NEURL1B: variants seen among roughly 807,000 people sequenced by gnomAD.
NEURL1B encodes E3 ubiquitin-protein ligase NEURL1B.
In NEURL1B, 13 loss-of-function variants were observed where a neutral mutation model predicts 37.4. That is an observed-to-expected ratio of 0.35 (90% confidence interval 0.23 to 0.55). The LOEUF (loss-of-function observed/expected upper bound fraction) is 0.55. Ranked by LOEUF, NEURL1B falls within the 20% of genes least tolerant of loss-of-function variation. NEURL1B has a pLI of 0.89. For missense variants in NEURL1B, 790 were observed against 879.2 expected (o/e 0.90, Z 1.28); for synonymous variants, 432 against 426.6 (o/e 1.01, Z -0.16).
intron 2 of NEURL1B, among the ~76,000 whole-genome samples, chr5:172,678,844 C>T (rs143479898): frequency 1.8e-3 from 272 of 152,264 alleles, no homozygotes; most frequent in Non-Finnish European, 3.1e-3. Flanking sequence ...CCTTCATTTT[C>T]GTGTCTACAC....
chr5:172,664,930 A>G (rs999429193), intron 1 of NEURL1B, among the ~76,000 whole-genome samples: 19 of 152,178 alleles, frequency 1.2e-4, no homozygotes, highest in African/African-American at 4.6e-4. Flanking sequence ...ACTTGGCCGC[A>G]TTTTATCCTA....
chr5:172,655,072 T>A (rs976825782), intron 1 of NEURL1B, among the ~76,000 whole-genome samples: 2 of 152,056 alleles, frequency 1.3e-5, no homozygotes, highest in Admixed American at 1.3e-4. Context: ...AGGCTGCTGT[T>A]CTCCCCTCTC....
At position 172,688,043 on chromosome 5, in the gene NEURL1B, G is replaced by C. The variant is rs930560120; in HGVS notation, c.*1118G>C. ...AGTATGTTAACTAATGATCGAGACA[G>C]TAACGAAAAATGCTGGCACTGGGAT... is the stretch of plus-strand genomic sequence containing the variant. On this transcript the variant is annotated 3_prime_UTR_variant, in exon 5 of 5. Transcript: ENST00000369800. The surrounding 1 kb of genome is among the most constrained non-coding windows in gnomAD (Gnocchi z 4.3). The C allele has an allele frequency of 6.5e-6, 1 of 152,710 alleles. No individual in the cohort carries two copies. The highest frequency in any genetic ancestry group is 1.5e-5 in the Non-Finnish European group (1 of 68,064). 9.5% of individuals were successfully genotyped at this position (152,710 alleles called of 1,614,324 possible).
chr5:172,657,154 G>A lies in NEURL1B; in HGVS notation c.32-12631G>A, dbSNP rs749534854. 6.6e-6 allele frequency among the ~76,000 whole-genome samples: 1 copy of A among 152,178 alleles called. No homozygotes were observed. Among genetic ancestry groups the A allele is most frequent in the Non-Finnish European group, 1.5e-5 (1 of 68,032 alleles). On this transcript the variant is annotated intron_variant, in intron 1 of 4. Transcript: ENST00000369800. The surrounding 1 kb of genome is among the most constrained non-coding windows in gnomAD (Gnocchi z 4.0). ...TTCAGACCTGAGTCGAATCCTCACC[G>A]TGCTGTTTATCTGCCTCATGAACTT...
intron 2 of NEURL1B, among the ~76,000 whole-genome samples, chr5:172,677,520 T>C (rs567240020): frequency 9.8e-5 from 15 of 152,288 alleles, no homozygotes; most frequent in Non-Finnish European, 1.9e-4. Context: ...GTGTCTGCAG[T>C]CCAGCCTTCT....
At position 172,657,001 on chromosome 5, in the gene NEURL1B, C is replaced by G. The variant is rs1757792919; in HGVS notation, c.32-12784C>G. ...AGGGATCTGTGCTCCCAAAATTGAT[C>G]TGTGCAGTAGGACCAAATAGTCCTG... On this transcript the variant is annotated intron_variant, in intron 1 of 4. Coordinates refer to ENST00000369800, the MANE Select transcript of NEURL1B (RefSeq NM_001142651.3). This position sits in a 1 kb window ranked among gnomAD's most constrained non-coding sequence, Gnocchi z 4.0. Among the ~76,000 whole-genome samples the G allele has an allele frequency of 6.6e-6, 1 of 152,188 alleles. No homozygotes were observed. Among genetic ancestry groups the G allele is most frequent in the African/African-American group, 2.4e-5 (1 of 41,440 alleles).
At chr5:172,663,835 A>ATTATTATTATTATTG (rs1757954470) in intron 1 of NEURL1B, among the ~76,000 whole-genome samples, 1 of 91,010 alleles carries the variant, frequency 1.1e-5, no homozygotes, top group Non-Finnish European at 2.8e-5. Context: ...TTTGTTTATT[A>ATTATTATTATTATTG]TTATTATTAT....
At chr5:172,649,523 G>A (rs1334448714) in intron 1 of NEURL1B, among the ~76,000 whole-genome samples, 6 of 151,738 alleles carry the variant, frequency 4.0e-5, no homozygotes, top group East Asian at 3.9e-4. Flanking sequence ...TGCCACACCC[G>A]GCTAAATTTT....
In NEURL1B at chr5:172,641,463, G is replaced by A; in HGVS notation, c.31+26G>A. 1 of 1,306,194 alleles carries A rather than the reference G, an allele frequency of 7.7e-7. No individual in the cohort carries two copies. The highest frequency in any genetic ancestry group is 2.1e-5 in the South Asian group (1 of 47,878). 80.9% of individuals were successfully genotyped at this position (1,306,194 alleles called of 1,614,324 possible). ...GTACGCCGGGGAGCCCTGCCCGGGA[G>A]GCGGGCGCCGGGCTTCTCTCCTCCG... On this transcript the variant is annotated intron_variant, in intron 1 of 4. Transcript: ENST00000369800. This position sits in a 1 kb window ranked among gnomAD's most constrained non-coding sequence, Gnocchi z 6.4.
chr5:172,667,339 G>T (rs147589355), intron 1 of NEURL1B, among the ~76,000 whole-genome samples: 1 of 149,274 alleles, frequency 6.7e-6, no homozygotes, highest in African/African-American at 2.5e-5. Flanking sequence ...CCAGCTACTC[G>T]GGAGGCTGAG....
chr5:172,678,772 C>A (rs945710790), intron 2 of NEURL1B, among the ~76,000 whole-genome samples: 1 of 152,256 alleles, frequency 6.6e-6, no homozygotes, highest in Non-Finnish European at 1.5e-5. Flanking sequence ...TAGTACATGG[C>A]CCGAGTCAGT....
chr5:172,666,349 G>C (rs1758014810), intron 1 of NEURL1B, among the ~76,000 whole-genome samples: 1 of 152,208 alleles, frequency 6.6e-6, no homozygotes, highest in South Asian at 2.1e-4. Context: ...GCTAACAGTA[G>C]TCCTTACCTC....
At chr5:172,668,550 C>A (rs138878791) in intron 1 of NEURL1B, among the ~76,000 whole-genome samples, 4 of 152,090 alleles carry the variant, frequency 2.6e-5, no homozygotes, top group East Asian at 1.9e-4. Flanking sequence ...ATTCATCAAA[C>A]CCCCCCACTT....
chr5:172,654,673 G>C lies in NEURL1B; in HGVS notation c.31+13236G>C, dbSNP rs564215577. 5.4e-5 allele frequency among the ~76,000 whole-genome samples: 8 copies of C among 149,228 alleles called. No homozygotes were observed. In the East Asian group the frequency reaches 1.6e-3, roughly 29 times the overall value. On this transcript the variant is annotated intron_variant, in intron 1 of 4. Coordinates refer to ENST00000369800, the MANE Select transcript of NEURL1B (RefSeq NM_001142651.3). The stretch of plus-strand genomic sequence containing the variant: ...GTTATTTTTCTACTTTTTTCTGTTA[G>C]CAAAGCCGTTGCCACTACAGATTGA...
rs1270389595 is a variant in NEURL1B, at chr5:172,683,187, G to T, written c.578-232G>T. Among the ~76,000 whole-genome samples, 2 of 152,184 alleles carry T rather than the reference G, an allele frequency of 1.3e-5. No homozygotes were observed. Among genetic ancestry groups the T allele is most frequent in the African/African-American group, 4.8e-5 (2 of 41,440 alleles). ...AGGGCCTTATCTGCCGCTCCCAAAGGTAAGAGCATGTCAAGGAAACCGAGG... is the reference window on the plus strand; with the variant it reads ...AGGGCCTTATCTGCCGCTCCCAAAGTTAAGAGCATGTCAAGGAAACCGAGG... On this transcript the variant is annotated intron_variant, in intron 2 of 4. Coordinates refer to ENST00000369800, the MANE Select transcript of NEURL1B (RefSeq NM_001142651.3). This position sits in a 1 kb window ranked among gnomAD's most constrained non-coding sequence, Gnocchi z 5.6.
At position 172,686,424 on chromosome 5, in the gene NEURL1B, C is replaced by T; in HGVS notation, c.1423+128C>T. 1 of 1,046,938 alleles carries T rather than the reference C, an allele frequency of 9.6e-7. No individual in the cohort carries two copies. The highest frequency in any genetic ancestry group is 1.4e-6 in the Non-Finnish European group (1 of 721,556). 64.9% of individuals were successfully genotyped at this position (1,046,938 alleles called of 1,614,324 possible). On this transcript the variant is annotated intron_variant, in intron 4 of 4. Transcript: ENST00000369800. The surrounding 1 kb of genome is among the most constrained non-coding windows in gnomAD (Gnocchi z 7.9). ...CCCCCGCATCCTCTCCTTCCCTCAG[C>T]TGTATGCTCAGCTGGAGGGAGGAGA...
At chr5:172,669,237 A>G (rs1358639125) in intron 1 of NEURL1B, among the ~76,000 whole-genome samples, 1 of 152,194 alleles carries the variant, frequency 6.6e-6, no homozygotes, top group Non-Finnish European at 1.5e-5. Flanking sequence ...AGGAAGTGCC[A>G]GAGCTGGGAT....
intron 1 of NEURL1B, among the ~76,000 whole-genome samples, chr5:172,642,178 T>G (rs1256116845): frequency 1.3e-5 from 2 of 152,070 alleles, no homozygotes; most frequent in East Asian, 3.9e-4. Flanking sequence ...CCCGTGGAGG[T>G]TCAGTGCCCA....
rs762182850 is a variant in NEURL1B, at chr5:172,686,826, G to C, written c.1569G>C (p.Leu523=). 49 of 1,551,584 alleles carry C rather than the reference G, an allele frequency of 3.2e-5. No homozygotes were observed. The highest frequency in any genetic ancestry group is 1.7e-4 in the Middle Eastern group (1 of 6,016). The change falls in exon 5 of 5, where the codon CTG becomes CTC. Residue 523 remains leucine, a synonymous_variant. Coordinates refer to ENST00000369800, the MANE Select transcript of NEURL1B (RefSeq NM_001142651.3). This position sits in a 1 kb window ranked among gnomAD's most constrained non-coding sequence, Gnocchi z 7.9. ...TCTACACGTGTGGACACATGTGCCT[G>C]TGCCACAGCTGCGGCCTGCGGCTCA... ...TVIYTCGHMC[L]CHSCGLRLKR...
Sources: gnomAD v4.1 joint callset for allele counts (sites outside exome capture counted in the v4.1 genomes callset) on GRCh38, gnomAD v4.1.1 for gene constraint, Gnocchi (gnomAD v3.1) non-coding constraint, MANE v1.5 for transcripts, NCBI Gene and HGNC (gene_info 2026-07-23, HGNC 2026-07-21) for gene names.